The following ARMC8 variants were observed in gnomAD, a reference collection of about 807,000 sequenced individuals.
ARMC8 encodes armadillo repeat-containing protein 8.
In ARMC8, 20 loss-of-function variants were observed where a neutral mutation model predicts 99.3. The ratio of observed to expected loss-of-function variants is 0.20; its 90% CI spans 0.14 to 0.29. The LOEUF (loss-of-function observed/expected upper bound fraction) is 0.29. ARMC8 is among the 10% of genes least tolerant of loss of function. The pLI is 1.00. For synonymous variants in ARMC8, 263 were observed against 278.3 expected (o/e 0.95, Z 0.55); for missense variants, 569 against 809.5 (o/e 0.70, Z 3.60).
intron 1 of ARMC8, among the ~76,000 whole-genome samples, chr3:138,195,356 C>G (rs2043664727): frequency 6.6e-6 from 1 of 151,186 alleles, no homozygotes; most frequent in African/African-American, 2.4e-5. Context: ...TGTGAACTTT[C>G]TAATCTTTAA....
intron 12 of ARMC8, among the ~76,000 whole-genome samples, chr3:138,247,747 A>G (rs184477572): frequency 4.6e-5 from 7 of 152,286 alleles, no homozygotes; most frequent in Admixed American, 3.9e-4. Flanking sequence ...CTGTGTTTTC[A>G]TTTCTTGATA....
At chr3:138,249,022 A>C (rs1439143940) in intron 12 of ARMC8, among the ~76,000 whole-genome samples, 2 of 152,112 alleles carry the variant, frequency 1.3e-5, no homozygotes, top group African/African-American at 2.4e-5. Context: ...GAGGGCAGGG[A>C]TTTATTTGTG....
intron 19 of ARMC8, among the ~76,000 whole-genome samples, chr3:138,286,021 C>T (rs548056616): frequency 7.2e-5 from 11 of 152,218 alleles, no homozygotes; most frequent in African/African-American, 2.2e-4. Flanking sequence ...CTTGGCTCAC[C>T]ACAACTTCCA....
intron 3 of ARMC8, among the ~76,000 whole-genome samples, chr3:138,222,717 C>T (rs113941051): frequency 2.6e-5 from 4 of 152,306 alleles, no homozygotes; most frequent in African/African-American, 9.6e-5. Context: ...ATAAAGCTGT[C>T]AGCAGCCTTT....
At chr3:138,288,858 G>A (rs927900551) in intron 19 of ARMC8, among the ~76,000 whole-genome samples, 190 bp from the exon 20 acceptor site, 3 of 151,692 alleles carry the variant, frequency 2.0e-5, no homozygotes, top group African/African-American at 7.3e-5. Context: ...TCCTAGTCTC[G>A]AACACCTGAC....
intron 1 of ARMC8, among the ~76,000 whole-genome samples, chr3:138,190,500 G>C (rs766021910): frequency 1.3e-4 from 20 of 152,006 alleles, no homozygotes; most frequent in Non-Finnish European, 2.4e-4. Context: ...TGTTGGCCAG[G>C]CTGGTCTCAA....
chr3:138,294,276 TGCTAACCA>T (rs1277020354), intron 21 of ARMC8, among the ~76,000 whole-genome samples: 1 of 152,218 alleles, frequency 6.6e-6, no homozygotes, highest in African/African-American at 2.4e-5. Flanking sequence ...GAGAAGCTAT[TGCTAACCA>T]GCCCTCTCCA....
At chr3:138,286,597 C>T (rs578087391) in intron 19 of ARMC8, among the ~76,000 whole-genome samples, 1 of 152,304 alleles carries the variant, frequency 6.6e-6, no homozygotes, top group African/African-American at 2.4e-5. Context: ...AATAGGACCT[C>T]GTAGGGAGCT....
At chr3:138,271,954 C>G (rs2048845187) in intron 16 of ARMC8, among the ~76,000 whole-genome samples, 1 of 152,074 alleles carries the variant, frequency 6.6e-6, no homozygotes, top group Admixed American at 6.6e-5. Flanking sequence ...TGCCACCACA[C>G]CTGGCTATAC....
At chr3:138,270,787 G>A (rs2048717907) in intron 16 of ARMC8, among the ~76,000 whole-genome samples, 2 of 151,880 alleles carry the variant, frequency 1.3e-5, no homozygotes, top group Admixed American at 6.6e-5. Context: ...GTAATATATT[G>A]TAAAACTTTG....
chr3:138,281,134 A>T (rs1189167515), intron 18 of ARMC8, among the ~76,000 whole-genome samples: 3 of 152,068 alleles, frequency 2.0e-5, no homozygotes, highest in African/African-American at 7.2e-5. Context: ...CCCAAACCAT[A>T]ATTTACCAGT....
rs551083249 is a variant in ARMC8 at position 138,194,834 on chromosome 3, C to T, written c.45+7235C>T. On this transcript the variant is annotated intron_variant, in intron 1 of 21. Coordinates refer to ENST00000469044, the MANE Select transcript of ARMC8 (RefSeq NM_001363941.2). ...AAAAAAATTGCTGTGAAGTCGAACCCACTATCCTGTAAACATAAATTTGGC... is the reference window on the plus strand; with the variant it reads ...AAAAAAATTGCTGTGAAGTCGAACCTACTATCCTGTAAACATAAATTTGGC... Among the ~76,000 whole-genome samples the T allele has an allele frequency of 9.3e-4, 142 of 152,186 alleles. No homozygotes were observed. In the Middle Eastern group the frequency reaches 0.01, roughly 11 times the overall value.
chr3:138,277,746 C>T (rs998835669), intron 18 of ARMC8, among the ~76,000 whole-genome samples: 7 of 152,176 alleles, frequency 4.6e-5, no homozygotes, highest in Non-Finnish European at 7.4e-5. Context: ...CAAAGTTGTA[C>T]ATATACGTGC....
At chr3:138,271,906 G>A (rs2048836923) in intron 16 of ARMC8, among the ~76,000 whole-genome samples, 1 of 150,076 alleles carries the variant, frequency 6.7e-6, no homozygotes, top group South Asian at 2.1e-4. Flanking sequence ...AGTGATTCTT[G>A]TGCCTCAACC....
chr3:138,258,415 G>A (rs1419649685), intron 12 of ARMC8, among the ~76,000 whole-genome samples: 1 of 152,234 alleles, frequency 6.6e-6, no homozygotes, highest in Non-Finnish European at 1.5e-5. Context: ...GATGGCTTAT[G>A]TCCTGGCCAC....
chr3:138,263,966 A>G, intron 13 of ARMC8, 145 bp downstream of exon 13: 2 of 969,156 alleles, frequency 2.1e-6, no homozygotes, highest in Non-Finnish European at 3.2e-6. Flanking sequence ...AACATTGTCT[A>G]ACAGAGAGCC....
intron 1 of ARMC8, among the ~76,000 whole-genome samples, chr3:138,194,146 C>T (rs187417402): frequency 1.3e-5 from 2 of 151,508 alleles, no homozygotes; most frequent in East Asian, 3.9e-4. Context: ...GGGTTCATGC[C>T]ATTCTCCTGC....
chr3:138,242,206 A>G (rs1228914904), intron 11 of ARMC8, among the ~76,000 whole-genome samples: 1 of 152,212 alleles, frequency 6.6e-6, no homozygotes, highest in African/African-American at 2.4e-5. Flanking sequence ...CAATAAAGAA[A>G]ATTGCATCCT....
At chr3:138,238,054 T>C (rs895616553) in intron 9 of ARMC8, 3 of 150,726 alleles carry the variant, frequency 2.0e-5, no homozygotes, top group African/African-American at 7.3e-5. Flanking sequence ...GTTTAGAAGA[T>C]ACTTATGCAA....
Sources: allele counts gnomAD v4.1 joint callset (sites outside exome capture counted in the v4.1 genomes callset), GRCh38; gene constraint gnomAD v4.1.1; transcripts MANE v1.5; gene names NCBI Gene and HGNC (gene_info 2026-07-23, HGNC 2026-07-21).